Variants in CD47 observed in about 807,000 individuals in gnomAD.
The protein encoded by CD47 is leukocyte surface antigen CD47.
A neutral mutation model predicts 44.6 loss-of-function variants in CD47; 11 were observed. The ratio of observed to expected loss-of-function variants is 0.25; its 90% CI spans 0.16 to 0.41. CD47 has a LOEUF of 0.41. Among genes scored for constraint, CD47 ranks in the 10% least tolerant of loss-of-function variants. The probability of loss-of-function intolerance (pLI) is 1.00; values close to 1 mark genes in which losing one functional copy is unlikely to be tolerated. For synonymous variants in CD47, 140 were observed against 136.3 expected (o/e 1.03, Z -0.19); for missense variants, 306 against 386.7 (o/e 0.79, Z 1.75).
chr3:108,057,563 A>G lies in CD47; in HGVS notation c.791T>C (p.Ile264Thr). 6.7e-7 allele frequency: 1 copy of G among 1,492,084 alleles called. No homozygotes were observed. Among genetic ancestry groups the G allele is most frequent in the Non-Finnish European group, 9.3e-7 (1 of 1,072,000 alleles). 92.4% of individuals were successfully genotyped at this position (1,492,084 alleles called of 1,614,324 possible). ...VGLSLCIAAC[I>T]PMHGPLLISG... ...AATCAGAAGAGGGCCATGCATTGGTATACACGCTGTAAAAACAAATAAAAT... is the reference window on the plus strand; with the variant it reads ...AATCAGAAGAGGGCCATGCATTGGTGTACACGCTGTAAAAACAAATAAAAT... Residue 264 changes from isoleucine (I) to threonine (T), a missense_variant, in exon 7 of 11, where the codon ATA becomes ACA. Physicochemically the swap from Ile to Thr is moderately conservative, Grantham distance 89 (BLOSUM62 -1). Coordinates refer to ENST00000361309, the MANE Select transcript of CD47 (RefSeq NM_001777.4).
chr3:108,059,945 G>C (rs2078982158), intron 4 of CD47, among the ~76,000 whole-genome samples: 1 of 152,142 alleles, frequency 6.6e-6, no homozygotes, highest in Non-Finnish European at 1.5e-5. Flanking sequence ...GAGCTGCCAA[G>C]CCCATGTTCC....
At position 108,057,326 on chromosome 3, in the gene CD47, T is replaced by C. The variant is rs372863016; in HGVS notation, c.877+151A>G. 65 of 476,404 alleles carry C rather than the reference T, an allele frequency of 1.4e-4. 1 individual carries two copies. Among genetic ancestry groups the C allele is most frequent in the East Asian group, 8.0e-4 (22 of 27,626 alleles). The allele number at this position is 476,404 out of a possible 1,614,324, so 29.5% of individuals were successfully genotyped here. A position where few individuals can be genotyped will look rare whatever the true frequency, so the allele number is the denominator to read the frequency against. On this transcript the variant is annotated intron_variant, in intron 7 of 10. Coordinates refer to ENST00000361309, the MANE Select transcript of CD47 (RefSeq NM_001777.4). Reference sequence around the variant, plus strand: ...CTGGAAGAACCAACTAAAAATCCTATATGTCTTCTACCCTCTTTAATTATC... The same window carrying C: ...CTGGAAGAACCAACTAAAAATCCTACATGTCTTCTACCCTCTTTAATTATC...
At chr3:108,087,354 T>C (rs746051960) in intron 1 of CD47, among the ~76,000 whole-genome samples, 3 of 152,048 alleles carry the variant, frequency 2.0e-5, no homozygotes, top group Admixed American at 6.6e-5. Flanking sequence ...CCCTAATGAA[T>C]TTAAAAGTGG....
At position 108,047,312 on chromosome 3, in the gene CD47, A is replaced by C; in HGVS notation, c.968-20T>G. ...GTTATTCTGGAAAATTGAAAAATGA[A>C]CACATAATCACTATTCGTGTCTATT... On this transcript the variant is annotated intron_variant, in intron 10 of 10. Coordinates refer to ENST00000361309, the MANE Select transcript of CD47 (RefSeq NM_001777.4). The C allele has an allele frequency of 6.3e-7, 1 of 1,592,512 alleles. No individual in the cohort carries two copies. Among genetic ancestry groups the C allele is most frequent in the South Asian group, 1.1e-5 (1 of 89,508 alleles).
At chr3:108,057,207 T>A (rs951236363) in intron 7 of CD47, among the ~76,000 whole-genome samples, 8 of 152,206 alleles carry the variant, frequency 5.3e-5, no homozygotes, top group Non-Finnish European at 1.0e-4. Flanking sequence ...TAAACTACTT[T>A]GGAAACCAAA....
At chr3:108,056,796 T>G (rs1009247117) in intron 7 of CD47, among the ~76,000 whole-genome samples, 1 of 152,158 alleles carries the variant, frequency 6.6e-6, no homozygotes, top group Non-Finnish European at 1.5e-5. Flanking sequence ...AAATGTTACT[T>G]GAAAATTGGC....
chr3:108,067,323 T>C (rs1029667983), intron 3 of CD47, among the ~76,000 whole-genome samples: 1 of 152,258 alleles, frequency 6.6e-6, no homozygotes, highest in African/African-American at 2.4e-5. Context: ...TACATGGTCA[T>C]GTTTATGGTC....
At chr3:108,054,178 C>T (rs1032728232) in intron 7 of CD47, 3 of 152,120 alleles carry the variant, frequency 2.0e-5, no homozygotes, top group Non-Finnish European at 4.4e-5. Context: ...AGCCCAGGAG[C>T]TCGAGGCCAG....
At chr3:108,088,038 A>G (rs1235153282) in intron 1 of CD47, among the ~76,000 whole-genome samples, 1 of 152,224 alleles carries the variant, frequency 6.6e-6, no homozygotes, top group Non-Finnish European at 1.5e-5. Context: ...ATGATAACCC[A>G]AGACGATATT....
chr3:108,077,079 T>C (rs1369156129), intron 2 of CD47, among the ~76,000 whole-genome samples: 1 of 152,162 alleles, frequency 6.6e-6, no homozygotes, highest in Non-Finnish European at 1.5e-5. Flanking sequence ...TATTCAGTCC[T>C]AGTCCTCCAA....
At chr3:108,088,748 C>A (rs533944435) in intron 1 of CD47, among the ~76,000 whole-genome samples, 1 of 152,104 alleles carries the variant, frequency 6.6e-6, no homozygotes, top group Non-Finnish European at 1.5e-5. Flanking sequence ...TGAAACTATG[C>A]ACTTTTAAAC....
chr3:108,078,461 C>T (rs974360561), intron 2 of CD47, among the ~76,000 whole-genome samples: 2 of 151,816 alleles, frequency 1.3e-5, no homozygotes, highest in Non-Finnish European at 2.9e-5. Context: ...TGCATTACCC[C>T]CCAAAAGTTA....
chr3:108,085,667 A>C (rs1329343102), intron 1 of CD47, among the ~76,000 whole-genome samples: 1 of 152,128 alleles, frequency 6.6e-6, no homozygotes, highest in East Asian at 1.9e-4. Flanking sequence ...ATTTTACTTA[A>C]CTGATCTCTC....
intron 7 of CD47, among the ~76,000 whole-genome samples, chr3:108,056,026 T>A (rs2078908049): frequency 6.6e-6 from 1 of 152,202 alleles, no homozygotes; most frequent in South Asian, 2.1e-4. Context: ...GCCAAAGGTA[T>A]CTCATACTAC....
rs2078994869 is a variant in CD47, at chr3:108,060,675, T to C, written c.598+70A>G. ...TGTTCCAACAGCCCTAGGAAACTAATGCAGCCCTCCTCACCTTGGAATGCA... is the reference window on the plus strand; with the variant it reads ...TGTTCCAACAGCCCTAGGAAACTAACGCAGCCCTCCTCACCTTGGAATGCA... On this transcript the variant is annotated intron_variant, in intron 4 of 10. Coordinates refer to ENST00000361309, the MANE Select transcript of CD47 (RefSeq NM_001777.4). 9.0e-6 allele frequency: 9 copies of C among 1,005,490 alleles called. No individual in the cohort carries two copies. In the South Asian group the frequency reaches 1.0e-4, roughly 12 times the overall value. 62.3% of individuals were successfully genotyped at this position (1,005,490 alleles called of 1,614,324 possible). A position where few individuals can be genotyped will look rare whatever the true frequency, so the allele number is the denominator to read the frequency against.
chr3:108,074,557 A>G (rs1577009149), intron 2 of CD47, among the ~76,000 whole-genome samples: 1 of 151,898 alleles, frequency 6.6e-6, no homozygotes, highest in South Asian at 2.1e-4. Flanking sequence ...CAGGTGATCC[A>G]CCTGCCTCAG....
chr3:108,075,796 G>A (rs532108918), intron 2 of CD47, among the ~76,000 whole-genome samples: 4 of 152,192 alleles, frequency 2.6e-5, no homozygotes. Context: ...GAGGGAGAGA[G>A]AGCTGACCTA....
In CD47 at chr3:108,050,986, T is replaced by C. The variant is rs554764730; in HGVS notation, c.910-384A>G. On this transcript the variant is annotated intron_variant, in intron 8 of 10. Coordinates refer to ENST00000361309, the MANE Select transcript of CD47 (RefSeq NM_001777.4). ...CATCTTTAAGTATCGCAAATTGAAC[T>C]CAGTAACTGGGAAAGAAAATGTGTT... 3.3e-5 allele frequency among the ~76,000 whole-genome samples: 5 copies of C among 152,308 alleles called. No homozygotes were observed. In the East Asian group the frequency reaches 9.6e-4, roughly 29 times the overall value.
At chr3:108,066,492 G>A (rs896941841) in intron 3 of CD47, among the ~76,000 whole-genome samples, 1 of 152,168 alleles carries the variant, frequency 6.6e-6, no homozygotes, top group Non-Finnish European at 1.5e-5. Context: ...GTCCCATCAT[G>A]ATCAGTGATC....
Sources: gnomAD v4.1 joint callset for allele counts (sites outside exome capture counted in the v4.1 genomes callset) on GRCh38, gnomAD v4.1.1 for gene constraint, MANE v1.5 for transcripts, NCBI Gene and HGNC (gene_info 2026-07-23, HGNC 2026-07-21) for gene names.